ARL15: variants seen among roughly 807,000 people sequenced by gnomAD.
ARL15 encodes the protein ADP-ribosylation factor-like protein 15.
A neutral mutation model predicts 25.2 loss-of-function variants in ARL15; 19 were observed. That is an observed-to-expected ratio of 0.75 (90% CI 0.53 to 1.10). The LOEUF (loss-of-function observed/expected upper bound fraction) is 1.10. Among genes scored for constraint, ARL15 ranks in the 50% least tolerant of loss-of-function variants. The pLI is 0.00. For synonymous variants in ARL15, 94 were observed against 86.8 expected (o/e 1.08, Z -0.46); for missense variants, 220 against 246.0 (o/e 0.89, Z 0.71).
chr5:54,165,350 A>AT (rs1277977643), intron 2 of ARL15, among the ~76,000 whole-genome samples: 3 of 151,742 alleles, frequency 2.0e-5, no homozygotes, highest in East Asian at 1.9e-4. Flanking sequence ...ATCTGGTATC[A>AT]TTTTTTTTCT....
chr5:54,076,528 T>G (rs140946082), intron 4 of ARL15, among the ~76,000 whole-genome samples: 475 of 152,294 alleles, frequency 3.1e-3, no homozygotes, highest in African/African-American at 0.011. Context: ...TATTAAATCC[T>G]TTCTGATAAA....
rs575471543 is a variant in ARL15 at position 54,020,916 on chromosome 5, T to C, written c.462+92286A>G. On this transcript the variant is annotated intron_variant, in intron 4 of 4. Transcript: ENST00000504924. ...GTTGCAGTGAGCCGAGATAGCACCATTGCACTCCAGCCTGGGTGACAGAGT... is the reference window on the plus strand; with the variant it reads ...GTTGCAGTGAGCCGAGATAGCACCACTGCACTCCAGCCTGGGTGACAGAGT... Among the ~76,000 whole-genome samples, 341 of 151,640 alleles carry C rather than the reference T, an allele frequency of 2.2e-3. 3 individuals are homozygous for C. The highest frequency in any genetic ancestry group is 8.1e-3 in the South Asian group (39 of 4,788).
At chr5:54,129,754 C>A (rs1753376885) in intron 3 of ARL15, among the ~76,000 whole-genome samples, 1 of 152,162 alleles carries the variant, frequency 6.6e-6, no homozygotes, top group African/African-American at 2.4e-5. Context: ...TCTAATCCAG[C>A]CTCACCTCAC....
intron 4 of ARL15, among the ~76,000 whole-genome samples, chr5:54,033,544 C>T (rs1037558955): frequency 4.2e-5 from 6 of 143,852 alleles, no homozygotes; most frequent in Non-Finnish European, 9.2e-5. Flanking sequence ...TGGTGGCGCA[C>T]ACCTATAATC....
chr5:54,034,043 G>C (rs1284774476), intron 4 of ARL15, among the ~76,000 whole-genome samples: 6 of 152,146 alleles, frequency 3.9e-5, no homozygotes, highest in Non-Finnish European at 8.8e-5. Flanking sequence ...TCGATCTCCT[G>C]ACTTCGTGAT....
rs1580115858 is a variant in ARL15 at position 53,955,616 on chromosome 5, A to C, written c.463-68903T>G. The stretch of plus-strand genomic sequence containing the variant: ...ATTGACATTGTTAGAACTCTGGAAA[A>C]CAGACAAAGGTTTACAGCAACTAAG... On this transcript the variant is annotated intron_variant, in intron 4 of 4. Transcript: ENST00000504924. Among the ~76,000 whole-genome samples, 3 of 152,332 alleles carry C rather than the reference A, an allele frequency of 2.0e-5. No homozygotes were observed. The South Asian group carries it at 6.2e-4, about 32-fold the overall frequency.
chr5:54,058,561 A>C (rs1001236817), intron 4 of ARL15, among the ~76,000 whole-genome samples: 1 of 152,204 alleles, frequency 6.6e-6, no homozygotes, highest in African/African-American at 2.4e-5. Context: ...GCTATGAAGA[A>C]AGTCTTGAAG....
intron 4 of ARL15, among the ~76,000 whole-genome samples, chr5:54,003,658 T>TTATATCTATCTATCTA (rs1253734153): frequency 1.5e-5 from 2 of 134,008 alleles, no homozygotes; most frequent in Non-Finnish European, 3.3e-5. Flanking sequence ...AGAAAATATT[T>TTATATCTATCTATCTA]TCTTTCTATC....
At chr5:53,897,363 C>T (rs966245141) in intron 4 of ARL15, among the ~76,000 whole-genome samples, 1 of 152,204 alleles carries the variant, frequency 6.6e-6, no homozygotes, top group African/African-American at 2.4e-5. Context: ...TTGTGTCTAG[C>T]TTCTTTCACT....
chr5:54,124,662 A>G (rs1445434976), intron 3 of ARL15, among the ~76,000 whole-genome samples: 1 of 151,426 alleles, frequency 6.6e-6, no homozygotes, highest in Non-Finnish European at 1.5e-5. Context: ...AGATATATAA[A>G]AAACTTTAGA....
chr5:54,258,107 G>T (rs1362795913), intron 1 of ARL15, among the ~76,000 whole-genome samples: 1 of 150,738 alleles, frequency 6.6e-6, no homozygotes, highest in Non-Finnish European at 1.5e-5. Flanking sequence ...GAGGCAGGAG[G>T]ATCGCTTGAG....
At chr5:53,958,491 A>G (rs769298288) in intron 4 of ARL15, among the ~76,000 whole-genome samples, 6 of 152,206 alleles carry the variant, frequency 3.9e-5, no homozygotes, top group Non-Finnish European at 5.9e-5. Flanking sequence ...ACACAAAAGA[A>G]GGCAGTACTG....
At chr5:54,192,889 T>C (rs929698927) in intron 1 of ARL15, among the ~76,000 whole-genome samples, 3 of 152,116 alleles carry the variant, frequency 2.0e-5, no homozygotes, top group Non-Finnish European at 4.4e-5. Context: ...ATGGAGGATA[T>C]TGGTGATCTT....
rs78796818 is a variant in ARL15 at position 54,157,113 on chromosome 5, A to T, written c.194-2474T>A. Among the ~76,000 whole-genome samples, 529 of 151,824 alleles carry T rather than the reference A, an allele frequency of 3.5e-3. 3 individuals are homozygous for T. The highest frequency in any genetic ancestry group is 7.2e-3 in the Admixed American group (110 of 15,256). ...AGGACAACTCAAGTGTAGATTTTCT[A>T]GAGAAGTAAGACAGGCACAGGCCTC... On this transcript the variant is annotated intron_variant, in intron 2 of 4. Coordinates refer to ENST00000504924, the MANE Select transcript of ARL15 (RefSeq NM_019087.3).
rs1206915428 is a variant in ARL15 at position 54,249,453 on chromosome 5, G to C, written c.48+60979C>G. Among the ~76,000 whole-genome samples the C allele has an allele frequency of 5.3e-5, 8 of 152,200 alleles. No individual in the cohort carries two copies. In the South Asian group the frequency reaches 1.7e-3, roughly 32 times the overall value. On this transcript the variant is annotated intron_variant, in intron 1 of 4. Transcript: ENST00000504924. Reference sequence around the variant, plus strand: ...GGAAAGACAGAAGAAGATATAAGAGGAAGTGAAGATAACAGAGAAAAAAGT... The same window carrying C: ...GGAAAGACAGAAGAAGATATAAGAGCAAGTGAAGATAACAGAGAAAAAAGT...
chr5:53,899,073 G>A (rs1462830947), intron 4 of ARL15, among the ~76,000 whole-genome samples: 6 of 151,960 alleles, frequency 3.9e-5, no homozygotes, highest in African/African-American at 7.3e-5. Flanking sequence ...CTGGCTGTGC[G>A]TCTTGGCTCA....
intron 1 of ARL15, among the ~76,000 whole-genome samples, chr5:54,291,519 T>A (rs1193785073): frequency 6.6e-6 from 1 of 152,220 alleles, no homozygotes; most frequent in Non-Finnish European, 1.5e-5. Context: ...GTTCATTGAA[T>A]CTGCAGATCT....
chr5:54,267,909 T>G (rs1488433437), intron 1 of ARL15, among the ~76,000 whole-genome samples: 1 of 152,042 alleles, frequency 6.6e-6, no homozygotes, highest in African/African-American at 2.4e-5. Context: ...CATTTTTTCC[T>G]TCATTTCAAC....
At chr5:54,013,894 G>A (rs1749323397) in intron 4 of ARL15, among the ~76,000 whole-genome samples, 1 of 152,060 alleles carries the variant, frequency 6.6e-6, no homozygotes. Context: ...AACCTCTGAG[G>A]AGACAGACTT....
Sources: allele counts gnomAD v4.1 joint callset (sites outside exome capture counted in the v4.1 genomes callset), GRCh38; gene constraint gnomAD v4.1.1; transcripts MANE v1.5; gene names NCBI Gene and HGNC (gene_info 2026-07-23, HGNC 2026-07-21).